Variants in TGIF2 observed in about 807,000 individuals in gnomAD.
TGIF2 encodes homeobox protein TGIF2.
In TGIF2, 5 loss-of-function variants were observed where a neutral mutation model predicts 15.1. The ratio of observed to expected loss-of-function variants is 0.33; its 90% CI spans 0.17 to 0.70. The LOEUF (loss-of-function observed/expected upper bound fraction) is 0.70. TGIF2 is among the 30% of genes least tolerant of loss of function. The pLI is 0.67. For missense variants in TGIF2, 264 were observed against 302.5 expected (o/e 0.87, Z 0.94); for synonymous variants, 131 against 128.9 (o/e 1.02, Z -0.11).
chr20:36,588,589 A>G (rs1246473940), intron 2 of TGIF2, among the ~76,000 whole-genome samples: 2 of 151,950 alleles, frequency 1.3e-5, no homozygotes, highest in South Asian at 4.2e-4. Context: ...ACCAGCGTCC[A>G]CTGAAGCCTG....
At chr20:36,578,073 C>G (rs1476140530) in intron 1 of TGIF2, among the ~76,000 whole-genome samples, 1 of 152,198 alleles carries the variant, frequency 6.6e-6, no homozygotes, top group African/African-American at 2.4e-5. Flanking sequence ...ATAATAGCTT[C>G]TCCCTTATTG....
intron 1 of TGIF2, among the ~76,000 whole-genome samples, chr20:36,575,058 GC>G (rs2038397148): frequency 6.6e-6 from 1 of 152,056 alleles, no homozygotes; most frequent in East Asian, 1.9e-4. Flanking sequence ...ATCGGGGGTG[GC>G]CGGGTCGGTT....
intron 1 of TGIF2, among the ~76,000 whole-genome samples, chr20:36,577,749 C>T (rs1004382790): frequency 4.1e-4 from 61 of 149,366 alleles, no homozygotes; most frequent in Admixed American, 1.5e-3. Flanking sequence ...CTCTTGACCT[C>T]GTGATCTGCC....
intron 1 of TGIF2, among the ~76,000 whole-genome samples, chr20:36,574,050 G>A (rs1389239112): frequency 6.6e-6 from 1 of 151,642 alleles, no homozygotes; most frequent in African/African-American, 2.4e-5. Context: ...TCCTGCACCG[G>A]ACCTGAGTGA....
intron 2 of TGIF2, among the ~76,000 whole-genome samples, chr20:36,590,478 CT>C (rs1207434844): frequency 6.6e-6 from 1 of 152,152 alleles, no homozygotes; most frequent in Non-Finnish European, 1.5e-5. Context: ...GGTGTGTGTT[CT>C]TATTTAACTC....
At position 36,578,751 on chromosome 20, in the gene TGIF2, G is replaced by A. The variant is rs771013848; in HGVS notation, c.-24G>A. 12 of 1,588,528 alleles carry A rather than the reference G, an allele frequency of 7.6e-6. No homozygotes were observed. Among genetic ancestry groups the A allele is most frequent in the Non-Finnish European group, 1.0e-5 (12 of 1,166,856 alleles). On this transcript the variant is annotated 5_prime_UTR_variant, in exon 2 of 3. Transcript: ENST00000373872. ...TGTCCCTTGTCCCAGGTTTACCCAA[G>A]GTCCAGCCTAGCCCCTAGGCACCAT...
intron 2 of TGIF2, among the ~76,000 whole-genome samples, chr20:36,580,813 CAAAAAAAAAAAAAA>C (rs71184101): frequency 2.2e-5 from 1 of 45,928 alleles, no homozygotes; most frequent in Non-Finnish European, 3.8e-5. Flanking sequence ...GACATTGTCT[CAAAAAAAAAAAAAA>C]AAAAAAAAAA....
chr20:36,585,864 C>T lies in TGIF2; in HGVS notation c.193-5046C>T, dbSNP rs572567021. Among the ~76,000 whole-genome samples, 21 of 152,302 alleles carry T rather than the reference C, an allele frequency of 1.4e-4. 1 individual carries two copies. The South Asian group carries it at 3.5e-3, about 26-fold the overall frequency. On this transcript the variant is annotated intron_variant, in intron 2 of 2. Coordinates refer to ENST00000373872, the MANE Select transcript of TGIF2 (RefSeq NM_021809.7). The stretch of plus-strand genomic sequence containing the variant: ...GATATACCACGTGCCAGGCCCGGGA[C>T]TCTGTGCTGGGTATACAGTGGTAGA...
chr20:36,583,098 A>G (rs778731741), intron 2 of TGIF2, among the ~76,000 whole-genome samples: 1 of 151,474 alleles, frequency 6.6e-6, no homozygotes, highest in African/African-American at 2.4e-5. Flanking sequence ...CCTGGTTAAC[A>G]TGGTTAACTT....
chr20:36,578,597 C>T (rs1295632289), intron 1 of TGIF2, 144 bp from the exon 2 acceptor site: 7 of 887,318 alleles, frequency 7.9e-6, no homozygotes, highest in South Asian at 5.7e-5. Flanking sequence ...CTAGCTTGCT[C>T]GGTCTGTGTT....
intron 2 of TGIF2, among the ~76,000 whole-genome samples, chr20:36,580,469 T>C (rs927415797): frequency 3.3e-5 from 5 of 152,056 alleles, no homozygotes; most frequent in African/African-American, 1.2e-4. Context: ...AGGGAGGTGA[T>C]TGTAGCACTT....
intron 2 of TGIF2, among the ~76,000 whole-genome samples, chr20:36,588,029 C>T (rs1372297815): frequency 1.3e-5 from 2 of 151,488 alleles, no homozygotes; most frequent in African/African-American, 2.4e-5. Flanking sequence ...GTGATTCCAC[C>T]ACTGCACTCC....
chr20:36,575,210 A>G (rs1224936472), intron 1 of TGIF2, among the ~76,000 whole-genome samples: 1 of 151,650 alleles, frequency 6.6e-6, no homozygotes, highest in Non-Finnish European at 1.5e-5. Context: ...GGCTTGAGCG[A>G]TGGGTCCGGG....
chr20:36,573,982 G>A (rs2038356733), intron 1 of TGIF2, among the ~76,000 whole-genome samples: 1 of 151,658 alleles, frequency 6.6e-6, no homozygotes, highest in Non-Finnish European at 1.5e-5. Context: ...GAGGAAGCCC[G>A]CTTGGGGCCC....
At chr20:36,589,835 C>T (rs1430458327) in intron 2 of TGIF2, among the ~76,000 whole-genome samples, 1 of 152,080 alleles carries the variant, frequency 6.6e-6, no homozygotes, top group Non-Finnish European at 1.5e-5. Context: ...ACTACAGACA[C>T]GCACCACCAT....
intron 2 of TGIF2, among the ~76,000 whole-genome samples, chr20:36,585,575 T>C (rs1334567981): frequency 6.6e-6 from 1 of 152,144 alleles, no homozygotes; most frequent in Non-Finnish European, 1.5e-5. Flanking sequence ...CAAGCTTGTT[T>C]TATCTCTCCC....
At chr20:36,583,917 A>G (rs969211958) in intron 2 of TGIF2, among the ~76,000 whole-genome samples, 1 of 152,042 alleles carries the variant, frequency 6.6e-6, no homozygotes, top group Non-Finnish European at 1.5e-5. Flanking sequence ...AGAAAAAAAA[A>G]CTAGCTGGGC....
At chr20:36,589,221 C>CA (rs1299312173) in intron 2 of TGIF2, among the ~76,000 whole-genome samples, 1 of 152,094 alleles carries the variant, frequency 6.6e-6, no homozygotes, top group Non-Finnish European at 1.5e-5. Flanking sequence ...GGTTAATAGT[C>CA]AGTCTCCATG....
rs2038778162 is a variant in TGIF2 at position 36,592,114 on chromosome 20, G to A, written c.*683G>A. 1 of 149,732 alleles carries A rather than the reference G, an allele frequency of 6.7e-6. No homozygotes were observed. Among genetic ancestry groups the A allele is most frequent in the African/African-American group, 2.5e-5 (1 of 40,448 alleles). The allele number at this position is 149,732 out of a possible 1,614,324, so 9.3% of individuals were successfully genotyped here. Reference sequence around the variant, plus strand: ...ACCAGCTAAGTCTCTGCAGTAGTGTGAAATTCCAAATGGTTGTTTTATCAT... The same window carrying A: ...ACCAGCTAAGTCTCTGCAGTAGTGTAAAATTCCAAATGGTTGTTTTATCAT... On this transcript the variant is annotated 3_prime_UTR_variant, in exon 3 of 3. Coordinates refer to ENST00000373872, the MANE Select transcript of TGIF2 (RefSeq NM_021809.7).
Sources: gnomAD v4.1 joint callset for allele counts (sites outside exome capture counted in the v4.1 genomes callset) on GRCh38, gnomAD v4.1.1 for gene constraint, MANE v1.5 for transcripts, NCBI Gene and HGNC (gene_info 2026-07-23, HGNC 2026-07-21) for gene names.